Variants in GSK3B observed in about 807,000 individuals in gnomAD.
The protein encoded by GSK3B is glycogen synthase kinase 3 beta.
In GSK3B, 15 loss-of-function variants were observed where a neutral mutation model predicts 56.4. That is an observed-to-expected ratio of 0.27 (90% CI 0.18 to 0.41). The LOEUF (loss-of-function observed/expected upper bound fraction) is 0.41. Among genes scored for constraint, GSK3B ranks in the 10% least tolerant of loss-of-function variants. GSK3B has a pLI of 1.00. For missense variants in GSK3B, 300 were observed against 513.4 expected (o/e 0.58, Z 4.02); for synonymous variants, 181 against 188.9 (o/e 0.96, Z 0.34).
intron 2 of GSK3B, among the ~76,000 whole-genome samples, chr3:119,996,006 G>A (rs983283511): frequency 1.6e-4 from 25 of 152,134 alleles, no homozygotes; most frequent in African/African-American, 5.6e-4. Context: ...CTGAAGTGCT[G>A]GGATTACAAG....
chr3:120,090,554 C>G (rs76748801), intron 1 of GSK3B, among the ~76,000 whole-genome samples: 3,941 of 152,194 alleles, frequency 0.026, 176 homozygotes, highest in African/African-American at 0.089. Flanking sequence ...TAACTCTTGA[C>G]TCCTTCACAA....
chr3:119,942,533 C>T (rs538574921), intron 3 of GSK3B, among the ~76,000 whole-genome samples: 7 of 152,306 alleles, frequency 4.6e-5, no homozygotes, highest in East Asian at 3.9e-4. Context: ...TCAACCGCCA[C>T]GGCCTCCCAA....
chr3:119,969,402 A>G (rs565195492), intron 2 of GSK3B, among the ~76,000 whole-genome samples: 1 of 152,350 alleles, frequency 6.6e-6, no homozygotes, highest in South Asian at 2.1e-4. Flanking sequence ...AGAACACTCA[A>G]TATTAAGATG....
At chr3:119,941,350 G>A (rs2057047152) in intron 3 of GSK3B, among the ~76,000 whole-genome samples, 1 of 152,146 alleles carries the variant, frequency 6.6e-6, no homozygotes, top group Middle Eastern at 3.4e-3. Context: ...ATCTCCCCTT[G>A]TTTGATAATT....
intron 1 of GSK3B, among the ~76,000 whole-genome samples, chr3:120,016,001 T>C (rs2057823546): frequency 6.6e-6 from 1 of 152,198 alleles, no homozygotes; most frequent in Admixed American, 6.5e-5. Flanking sequence ...TATTTAGGTA[T>C]GGGTGGGAAA....
At chr3:119,958,615 C>A (rs1576229260) in intron 2 of GSK3B, among the ~76,000 whole-genome samples, 1 of 151,972 alleles carries the variant, frequency 6.6e-6, no homozygotes, top group East Asian at 1.9e-4. Context: ...GAGGTCAAGG[C>A]TACAGTGCGC....
chr3:120,048,283 T>C (rs1393119886), intron 1 of GSK3B, among the ~76,000 whole-genome samples: 5 of 152,234 alleles, frequency 3.3e-5, no homozygotes, highest in African/African-American at 1.2e-4. Flanking sequence ...AACCTACCTT[T>C]AACCATTTAG....
intron 7 of GSK3B, among the ~76,000 whole-genome samples, chr3:119,877,994 T>C (rs952230627): frequency 3.9e-5 from 6 of 152,172 alleles, no homozygotes; most frequent in Admixed American, 1.3e-4. Flanking sequence ...AAGAATGTAA[T>C]GGTAAGTACT....
At chr3:119,936,608 A>G (rs2056997593) in intron 3 of GSK3B, among the ~76,000 whole-genome samples, 1 of 151,744 alleles carries the variant, frequency 6.6e-6, no homozygotes, top group African/African-American at 2.4e-5. Context: ...TTGGCCTCCC[A>G]AAGTGCTGGG....
At chr3:119,963,642 A>T (rs971784728) in intron 2 of GSK3B, among the ~76,000 whole-genome samples, 10 of 149,904 alleles carry the variant, frequency 6.7e-5, no homozygotes, top group Non-Finnish European at 8.9e-5. Flanking sequence ...AAAAAAAAAA[A>T]AAGAAAGAAA....
intron 7 of GSK3B, among the ~76,000 whole-genome samples, chr3:119,883,958 T>C (rs562914379): frequency 2.6e-5 from 4 of 152,226 alleles, no homozygotes; most frequent in South Asian, 4.2e-4. Flanking sequence ...GTGGTGAACA[T>C]TAGATATATT....
intron 8 of GSK3B, among the ~76,000 whole-genome samples, chr3:119,870,997 G>A (rs2056244015): frequency 6.6e-6 from 1 of 152,106 alleles, no homozygotes; most frequent in African/African-American, 2.4e-5. Flanking sequence ...GTGCCCTCTA[G>A]GCCTCTCTGA....
At chr3:119,982,724 C>A (rs1236230475) in intron 2 of GSK3B, among the ~76,000 whole-genome samples, 1 of 152,134 alleles carries the variant, frequency 6.6e-6, no homozygotes, top group Admixed American at 6.5e-5. Context: ...AAGACCAAAT[C>A]TACGTTTGAT....
chr3:119,830,822 G>C (rs1255301728), intron 10 of GSK3B, among the ~76,000 whole-genome samples: 1 of 152,132 alleles, frequency 6.6e-6, no homozygotes, highest in Non-Finnish European at 1.5e-5. Context: ...TTCCTCATTG[G>C]TAAAATGGTA....
At chr3:119,930,420 AT>A (rs1488180936) in intron 3 of GSK3B, among the ~76,000 whole-genome samples, 2 of 152,146 alleles carry the variant, frequency 1.3e-5, no homozygotes, top group African/African-American at 4.8e-5. Flanking sequence ...AAAAAAAAAA[AT>A]GTGCTTGTCA....
intron 5 of GSK3B, among the ~76,000 whole-genome samples, chr3:119,915,562 T>C: frequency 6.6e-6 from 1 of 152,074 alleles, no homozygotes; most frequent in East Asian, 1.9e-4. Context: ...TATATATATA[T>C]ATAGTCACAT....
intron 7 of GSK3B, among the ~76,000 whole-genome samples, chr3:119,878,747 C>G (rs973199084): frequency 5.9e-5 from 9 of 152,036 alleles, no homozygotes; most frequent in African/African-American, 2.2e-4. Flanking sequence ...CATAGCCATA[C>G]AGTAAAACAT....
intron 2 of GSK3B, among the ~76,000 whole-genome samples, chr3:119,958,771 A>G (rs570288523): frequency 1.6e-4 from 13 of 80,456 alleles, no homozygotes; most frequent in Middle Eastern, 6.1e-3. Flanking sequence ...TTTAATGAAA[A>G]GAGTGTTCAC....
intron 1 of GSK3B, among the ~76,000 whole-genome samples, chr3:120,031,280 T>G (rs989457444): frequency 6.6e-6 from 1 of 152,202 alleles, no homozygotes; most frequent in African/African-American, 2.4e-5. Context: ...ATTAATAAAA[T>G]AGTTGTGTGG....
Sources: gnomAD v4.1 joint callset for allele counts (sites outside exome capture counted in the v4.1 genomes callset) on GRCh38, gnomAD v4.1.1 for gene constraint, MANE v1.5 for transcripts, NCBI Gene and HGNC (gene_info 2026-07-23, HGNC 2026-07-21) for gene names.